The following ADCY1 variants were observed in gnomAD, a reference collection of about 807,000 sequenced individuals.
The protein encoded by ADCY1 is adenylate cyclase 1.
In ADCY1, 28 loss-of-function variants were observed where a neutral mutation model predicts 105.4. The observed-to-expected ratio is 0.27, with a 90% confidence interval of 0.20 to 0.36. ADCY1 has a LOEUF of 0.36. ADCY1 is among the 10% of genes least tolerant of loss of function. The pLI, the probability that ADCY1 is intolerant of heterozygous loss-of-function variation, is 1.00. For synonymous variants in ADCY1, 655 were observed against 623.8 expected (o/e 1.05, Z -0.75); for missense variants, 977 against 1,434.2 (o/e 0.68, Z 5.15).
intron 10 of ADCY1, 74 bp from the exon 11 acceptor site, chr7:45,679,635 A>T: frequency 6.6e-7 from 1 of 1,505,014 alleles, no homozygotes. Flanking sequence ...GGAGGGGCCA[A>T]TTCTCAGCCA....
rs74644013 is a variant in ADCY1, at chr7:45,659,398, C to A, written c.1308-644C>A. 4.1e-3 allele frequency among the ~76,000 whole-genome samples: 620 copies of A among 152,304 alleles called. 7 individuals are homozygous for A. The highest frequency in any genetic ancestry group is 0.014 in the African/African-American group (581 of 41,560). ...TGGAAGGTGGGGAGTTTGCTTCTCG[C>A]CCCATAAACCTGCGAGCTCAGGCGT... On this transcript the variant is annotated intron_variant, in intron 6 of 19. Transcript: ENST00000297323.
At chr7:45,632,083 A>G (rs1178421691) in intron 4 of ADCY1, among the ~76,000 whole-genome samples, 2 of 152,128 alleles carry the variant, frequency 1.3e-5, no homozygotes, top group African/African-American at 2.4e-5. Context: ...TCATTTCTCT[A>G]CTGAATTCCC....
rs1203988569 is a variant in ADCY1, at chr7:45,679,700, G to C, written c.1899-9G>C. On this transcript the variant is annotated splice_polypyrimidine_tract_variant and intron_variant, in intron 10 of 19. Coordinates refer to ENST00000297323, the MANE Select transcript of ADCY1 (RefSeq NM_021116.4). The stretch of plus-strand genomic sequence containing the variant: ...CCTATCAGTGACTCTCATGTTTTCT[G>C]TCCCCCAGGAGTGTGGTCGTCCTGC... The C allele has an allele frequency of 6.2e-7, 1 of 1,614,154 alleles. No homozygotes were observed. Among genetic ancestry groups the C allele is most frequent in the Non-Finnish European group, 8.5e-7 (1 of 1,179,998 alleles).
chr7:45,612,929 G>A (rs1037923360), intron 3 of ADCY1, among the ~76,000 whole-genome samples: 1 of 152,160 alleles, frequency 6.6e-6, no homozygotes, highest in African/African-American at 2.4e-5. Flanking sequence ...AGGAGAGAAA[G>A]GGTTGGTAAA....
At chr7:45,628,169 A>T (rs1249807478) in intron 4 of ADCY1, among the ~76,000 whole-genome samples, 1 of 152,120 alleles carries the variant, frequency 6.6e-6, no homozygotes, top group Non-Finnish European at 1.5e-5. Context: ...ACTGCCCTGG[A>T]TTTTGCAGGC....
chr7:45,624,224 C>T (rs1282784043), intron 4 of ADCY1, among the ~76,000 whole-genome samples: 59 of 152,180 alleles, frequency 3.9e-4, no homozygotes, highest in East Asian at 3.9e-4. Context: ...GGTAGTCACA[C>T]GAGCTGAGGC....
intron 2 of ADCY1, among the ~76,000 whole-genome samples, chr7:45,604,847 A>G (rs982621351): frequency 3.3e-5 from 5 of 152,168 alleles, no homozygotes; most frequent in South Asian, 4.1e-4. Flanking sequence ...AATTTTGTCT[A>G]TAGGTACTAA....
At chr7:45,668,823 A>G (rs532215688) in intron 8 of ADCY1, among the ~76,000 whole-genome samples, 1 of 152,184 alleles carries the variant, frequency 6.6e-6, no homozygotes, top group South Asian at 2.1e-4. Context: ...TTATTTGTCT[A>G]TTCAGAGATT....
At chr7:45,628,231 G>C (rs776281016) in intron 4 of ADCY1, among the ~76,000 whole-genome samples, 5 of 152,194 alleles carry the variant, frequency 3.3e-5, no homozygotes, top group Non-Finnish European at 7.3e-5. Context: ...AGGCCACTAG[G>C]CCTCAGAGGT....
intron 8 of ADCY1, among the ~76,000 whole-genome samples, chr7:45,671,957 A>G (rs779181000): frequency 2.6e-5 from 4 of 152,120 alleles, no homozygotes; most frequent in Admixed American, 6.6e-5. Flanking sequence ...AAGATACCCA[A>G]TTTATTGATT....
In ADCY1 at chr7:45,704,532, C is replaced by G; in HGVS notation, c.2733C>G (p.Asp911Glu). ...TTTAAACAAAGCTCATGGAAAAAGACTTTTACAAGGACATAGAGAAGATCA... is the reference window on the plus strand; with the variant it reads ...TTTAAACAAAGCTCATGGAAAAAGAGTTTTACAAGGACATAGAGAAGATCA... The part of the protein sequence containing the change: ...IADFDELMEK[D>E]FYKDIEKIKT... The change falls in exon 17 of 20, where the codon GAC (aspartate) becomes GAG (glutamate). Residue 911 changes from aspartate to glutamate, a missense_variant. Physicochemically the swap from Asp to Glu is conservative, Grantham distance 45 (BLOSUM62 2). Coordinates refer to ENST00000297323, the MANE Select transcript of ADCY1 (RefSeq NM_021116.4). 5 of 1,614,036 alleles carry G rather than the reference C, an allele frequency of 3.1e-6. No individual in the cohort carries two copies. Among genetic ancestry groups the G allele is most frequent in the Non-Finnish European group, 4.2e-6 (5 of 1,179,948 alleles).
intron 12 of ADCY1, among the ~76,000 whole-genome samples, chr7:45,685,608 G>A (rs1784655879): frequency 6.6e-6 from 1 of 151,044 alleles, no homozygotes; most frequent in South Asian, 2.1e-4. Flanking sequence ...GGACAGAGCT[G>A]GGTGCATGAT....
chr7:45,705,417 A>G (rs186496475), intron 17 of ADCY1, among the ~76,000 whole-genome samples: 7 of 152,370 alleles, frequency 4.6e-5, no homozygotes, highest in Non-Finnish European at 8.8e-5. Context: ...CTGTTTTAGT[A>G]TTCCAAAATT....
At chr7:45,594,830 A>T (rs928145900) in intron 2 of ADCY1, among the ~76,000 whole-genome samples, 1 of 152,204 alleles carries the variant, frequency 6.6e-6, no homozygotes, top group African/African-American at 2.4e-5. Flanking sequence ...CAATCCAGTT[A>T]ACCCAGCCAA....
intron 19 of ADCY1, among the ~76,000 whole-genome samples, chr7:45,712,936 G>A (rs919494302): frequency 6.6e-6 from 1 of 152,042 alleles, no homozygotes; most frequent in Non-Finnish European, 1.5e-5. Flanking sequence ...TGGACAGTTT[G>A]CCTGCTGCCC....
intron 2 of ADCY1, among the ~76,000 whole-genome samples, chr7:45,601,465 C>A (rs953059205): frequency 6.6e-6 from 1 of 152,150 alleles, no homozygotes; most frequent in Non-Finnish European, 1.5e-5. Context: ...TGATCAGGGC[C>A]TGCTGTCCAC....
intron 8 of ADCY1, among the ~76,000 whole-genome samples, chr7:45,672,515 G>A (rs1331068702): frequency 2.0e-5 from 3 of 151,478 alleles, no homozygotes; most frequent in East Asian, 1.9e-4. Context: ...TTCAGCATAC[G>A]AGACCTCGCT....
intron 1 of ADCY1, among the ~76,000 whole-genome samples, chr7:45,585,519 C>T (rs1792696191): frequency 6.6e-6 from 1 of 150,396 alleles, no homozygotes; most frequent in African/African-American, 2.4e-5. Context: ...TCTCATCTCA[C>T]TGCATCCTCT....
chr7:45,630,323 G>A (rs1584285567), intron 4 of ADCY1, among the ~76,000 whole-genome samples: 2 of 152,262 alleles, frequency 1.3e-5, no homozygotes, highest in Non-Finnish European at 2.9e-5. Flanking sequence ...TATTTAAAAA[G>A]TCTTTGCCCA....
Sources: allele counts gnomAD v4.1 joint callset (sites outside exome capture counted in the v4.1 genomes callset), GRCh38; gene constraint gnomAD v4.1.1; transcripts MANE v1.5; gene names NCBI Gene and HGNC (gene_info 2026-07-23, HGNC 2026-07-21).